OR9Q1: variants seen among roughly 807,000 people sequenced by gnomAD.
The protein encoded by OR9Q1 is olfactory receptor family 9 subfamily Q member 1, also known as olfactory receptor 9Q1.
For synonymous variants in OR9Q1, 153 were observed against 148.6 expected, an observed-to-expected ratio of 1.03 and a Z score of -0.22; for missense variants, 374 against 378.8, an observed-to-expected ratio of 0.99 and a Z score of 0.11.
At chr11:58,137,113 A>T (rs1854196645) in intron 2 of OR9Q1, among the ~76,000 whole-genome samples, 1 of 152,218 alleles carries the variant, frequency 6.6e-6, no homozygotes, top group South Asian at 2.1e-4. Context: ...GCAAATGGGC[A>T]ATTTTATTTT....
chr11:58,103,387 T>C (rs1853809288), intron 2 of OR9Q1, among the ~76,000 whole-genome samples: 1 of 152,140 alleles, frequency 6.6e-6, no homozygotes, highest in African/African-American at 2.4e-5. Context: ...CAAGATGAGA[T>C]TTGGGTGGGG....
chr11:58,158,094 G>A (rs981393477), intron 2 of OR9Q1, among the ~76,000 whole-genome samples: 5 of 152,198 alleles, frequency 3.3e-5, no homozygotes, highest in African/African-American at 7.2e-5. Flanking sequence ...GACTCCAGGA[G>A]CTACTGGGAA....
intron 2 of OR9Q1, among the ~76,000 whole-genome samples, chr11:58,169,668 T>C (rs1854536825): frequency 6.6e-6 from 1 of 152,164 alleles, no homozygotes; most frequent in Non-Finnish European, 1.5e-5. Context: ...GGATTTAAAC[T>C]GTCAATTCAA....
At chr11:58,053,282 G>C (rs928005373) in intron 1 of OR9Q1, among the ~76,000 whole-genome samples, 2 of 151,736 alleles carry the variant, frequency 1.3e-5, no homozygotes, top group African/African-American at 2.4e-5. Context: ...AAAATGATGA[G>C]TTCATGTACT....
At chr11:58,150,937 G>A (rs903080397) in intron 2 of OR9Q1, among the ~76,000 whole-genome samples, 8 of 152,138 alleles carry the variant, frequency 5.3e-5, no homozygotes, top group Non-Finnish European at 1.2e-4. Flanking sequence ...AGACCTTCTA[G>A]TAAGACAAAA....
intron 2 of OR9Q1, among the ~76,000 whole-genome samples, chr11:58,093,759 C>CAAAAA (rs71061572): frequency 1.4e-4 from 5 of 35,502 alleles, no homozygotes; most frequent in African/African-American, 2.0e-4. Flanking sequence ...GACTTCATCT[C>CAAAAA]AAAAAAAAAA....
chr11:58,141,374 T>C (rs1368855675), intron 2 of OR9Q1, among the ~76,000 whole-genome samples: 2 of 152,334 alleles, frequency 1.3e-5, no homozygotes, highest in East Asian at 3.9e-4. Context: ...ACAGCTCTTA[T>C]TATTTTGACA....
intron 2 of OR9Q1, among the ~76,000 whole-genome samples, chr11:58,147,487 G>C (rs961775765): frequency 2.6e-5 from 4 of 152,176 alleles, no homozygotes; most frequent in Non-Finnish European, 5.9e-5. Flanking sequence ...AAAGAAATGA[G>C]TAAAATGCTA....
intron 2 of OR9Q1, among the ~76,000 whole-genome samples, chr11:58,151,875 A>C (rs1311087149): frequency 6.6e-6 from 1 of 152,056 alleles, no homozygotes; most frequent in African/African-American, 2.4e-5. Flanking sequence ...TGGGTACTTA[A>C]ATTTCTTTTC....
intron 2 of OR9Q1, among the ~76,000 whole-genome samples, chr11:58,115,865 C>T (rs898770562): frequency 6.6e-6 from 1 of 152,182 alleles, no homozygotes; most frequent in Admixed American, 6.5e-5. Context: ...AATACTTCCT[C>T]TCTCCAGAAG....
intron 2 of OR9Q1, among the ~76,000 whole-genome samples, chr11:58,149,950 C>A (rs1056997351): frequency 6.6e-6 from 1 of 152,086 alleles, no homozygotes; most frequent in Admixed American, 6.6e-5. Flanking sequence ...GTTCAAGTCC[C>A]TGTTTTCTAT....
chr11:58,106,634 C>A (rs191247643), intron 2 of OR9Q1, among the ~76,000 whole-genome samples: 260 of 152,178 alleles, frequency 1.7e-3, no homozygotes, highest in African/African-American at 5.6e-3. Context: ...TCAGGTCTTA[C>A]ATTTAAGTTT....
In OR9Q1 at chr11:58,172,633, C is replaced by T. The variant is rs370316205; in HGVS notation, c.-14-6798C>T. 1.2e-4 allele frequency among the ~76,000 whole-genome samples: 18 copies of T among 152,200 alleles called. No individual in the cohort carries two copies. In the East Asian group the frequency reaches 2.9e-3, roughly 25 times the overall value. ...GAAAGTGATGGAGCCAGGACTCAAA[C>T]GCAGGCAATCTGACCCAGAACTCAT... is the stretch of plus-strand genomic sequence containing the variant. On this transcript the variant is annotated intron_variant, in intron 2 of 2. Coordinates refer to ENST00000335397, the MANE Select transcript of OR9Q1 (RefSeq NM_001005212.4).
intron 1 of OR9Q1, among the ~76,000 whole-genome samples, chr11:58,037,503 C>T (rs566470450): frequency 1.3e-5 from 2 of 151,336 alleles, no homozygotes; most frequent in African/African-American, 2.4e-5. Context: ...GAAAGCAAAA[C>T]ATACTGGGTT....
chr11:58,059,615 G>C (rs1023735097), intron 2 of OR9Q1, among the ~76,000 whole-genome samples: 4 of 144,276 alleles, frequency 2.8e-5, no homozygotes, highest in Admixed American at 1.4e-4. Flanking sequence ...TTGAACCCGG[G>C]AGACAGAGGT....
chr11:58,110,559 A>G (rs1853889448), intron 2 of OR9Q1, among the ~76,000 whole-genome samples: 1 of 152,178 alleles, frequency 6.6e-6, no homozygotes, highest in African/African-American at 2.4e-5. Flanking sequence ...CACTCTTGAA[A>G]TGAATTATCT....
rs567107591 is a variant in OR9Q1, at chr11:58,039,065, C to T, written c.-93+14961C>T. Among the ~76,000 whole-genome samples the T allele has an allele frequency of 5.9e-5, 9 of 152,276 alleles. No individual in the cohort carries two copies. In the South Asian group the frequency reaches 1.7e-3, roughly 28 times the overall value. ...AGTGCAGTGGCACAATCTTGGCTCA[C>T]TGCAATCTCTGCCTCCCAGTTTCAA... On this transcript the variant is annotated intron_variant, in intron 1 of 2. Transcript: ENST00000335397.
intron 2 of OR9Q1, chr11:58,119,588 A>C (rs1590601269): frequency 1.7e-6 from 1 of 598,062 alleles, no homozygotes; most frequent in African/African-American, 1.9e-5. Context: ...AGAAATTCTG[A>C]AACTGGCTGA....
chr11:58,153,018 G>T (rs1200315674), intron 2 of OR9Q1, among the ~76,000 whole-genome samples: 1 of 152,152 alleles, frequency 6.6e-6, no homozygotes, highest in Non-Finnish European at 1.5e-5. Context: ...CCTGCCACCT[G>T]GTAGGCACTT....
Sources: gnomAD v4.1 joint callset for allele counts (sites outside exome capture counted in the v4.1 genomes callset) on GRCh38, gnomAD v4.1.1 for gene constraint, MANE v1.5 for transcripts, NCBI Gene and HGNC (gene_info 2026-07-23, HGNC 2026-07-21) for gene names.